The following CPNE4 variants were observed in gnomAD, a reference collection of about 807,000 sequenced individuals.
CPNE4 encodes the protein copine-4.
CPNE4 carries 25 observed loss-of-function variants against 67.9 expected under a neutral mutation model. The observed-to-expected ratio is 0.37, with a 90% CI of 0.27 to 0.51. CPNE4 has a LOEUF of 0.51. Among genes scored for constraint, CPNE4 ranks in the 20% least tolerant of loss-of-function variants. The probability of loss-of-function intolerance (pLI) is 0.93; values close to 1 mark genes in which losing one functional copy is unlikely to be tolerated. For missense variants in CPNE4, 464 were observed against 690.8 expected (o/e 0.67, Z 3.68); for synonymous variants, 242 against 244.9 (o/e 0.99, Z 0.11).
At chr3:131,883,037 G>A (rs567569414) in intron 2 of CPNE4, among the ~76,000 whole-genome samples, 23 of 152,072 alleles carry the variant, frequency 1.5e-4, no homozygotes, top group African/African-American at 5.3e-4. Flanking sequence ...TACTTTCAAT[G>A]GCAAAAACCA....
intron 2 of CPNE4, among the ~76,000 whole-genome samples, chr3:131,730,111 G>C (rs989540106): frequency 1.6e-4 from 25 of 152,086 alleles, no homozygotes; most frequent in East Asian, 1.9e-4. Context: ...ATTTGAAATT[G>C]GAGTGCATGT....
intron 15 of CPNE4, among the ~76,000 whole-genome samples, chr3:131,542,094 C>G (rs760877415): frequency 6.6e-5 from 10 of 152,126 alleles, no homozygotes; most frequent in Non-Finnish European, 1.0e-4. Context: ...TATACTTTGC[C>G]AAGGCAAACA....
intron 1 of CPNE4, among the ~76,000 whole-genome samples, chr3:131,949,165 C>T (rs1388344790): frequency 1.3e-5 from 2 of 152,120 alleles, no homozygotes; most frequent in Non-Finnish European, 2.9e-5. Flanking sequence ...TTTGCTAAGC[C>T]CATCTCTATG....
intron 2 of CPNE4, among the ~76,000 whole-genome samples, chr3:131,740,039 C>T (rs2082322195): frequency 6.6e-6 from 1 of 152,180 alleles, no homozygotes; most frequent in Non-Finnish European, 1.5e-5. Context: ...AACCAATTGG[C>T]TTCTTGAGAC....
intron 1 of CPNE4, among the ~76,000 whole-genome samples, chr3:131,949,178 T>C (rs955193811): frequency 3.9e-5 from 6 of 152,216 alleles, no homozygotes; most frequent in African/African-American, 1.4e-4. Flanking sequence ...TCTCTATGAT[T>C]TGCAGGGCCT....
intron 1 of CPNE4, among the ~76,000 whole-genome samples, chr3:132,025,237 G>C (rs1043820131): frequency 6.6e-6 from 1 of 152,302 alleles, no homozygotes; most frequent in Admixed American, 6.5e-5. Context: ...TTGGGACAAG[G>C]GCAGGGGAAA....
intron 2 of CPNE4, among the ~76,000 whole-genome samples, chr3:131,742,033 C>T (rs1261922177): frequency 6.6e-6 from 1 of 152,282 alleles, no homozygotes; most frequent in East Asian, 1.9e-4. Context: ...ACCCATCTTG[C>T]AACTGTGAGG....
intron 1 of CPNE4, among the ~76,000 whole-genome samples, chr3:131,963,935 A>T (rs149010877): frequency 6.6e-6 from 1 of 152,146 alleles, no homozygotes; most frequent in Non-Finnish European, 1.5e-5. Flanking sequence ...ACTAGGAGAT[A>T]TCTCCTAGCA....
At chr3:131,908,671 A>G (rs1380214796) in intron 1 of CPNE4, among the ~76,000 whole-genome samples, 2 of 152,254 alleles carry the variant, frequency 1.3e-5, no homozygotes, top group East Asian at 1.9e-4. Flanking sequence ...GTATTTTTAC[A>G]TACATATTGT....
chr3:131,707,646 C>G (rs2107715151), intron 3 of CPNE4, among the ~76,000 whole-genome samples: 1 of 152,278 alleles, frequency 6.6e-6, no homozygotes, highest in African/African-American at 2.4e-5. Flanking sequence ...AACTGCTAAA[C>G]TCTCCTGTCT....
At chr3:131,924,614 A>C (rs1032677602) in intron 1 of CPNE4, among the ~76,000 whole-genome samples, 1 of 152,180 alleles carries the variant, frequency 6.6e-6, no homozygotes, top group Non-Finnish European at 1.5e-5. Context: ...TGATATTTTT[A>C]AAAATTCCTT....
At chr3:131,792,608 T>TGTGTGTATATGTATATATATATACACAC (rs1553772125) in intron 2 of CPNE4, among the ~76,000 whole-genome samples, 58 of 91,382 alleles carry the variant, frequency 6.3e-4, no homozygotes, top group East Asian at 3.3e-3. Flanking sequence ...TATATGTGTG[T>TGTGTGTATATGTATATATATATACACAC]GTGTATATAT....
intron 2 of CPNE4, among the ~76,000 whole-genome samples, chr3:131,726,165 T>C (rs368779963): frequency 8.1e-4 from 124 of 152,352 alleles, no homozygotes; most frequent in South Asian, 6.2e-3. Context: ...ATGGAAACTC[T>C]AGTCTTTGTT....
intron 7 of CPNE4, among the ~76,000 whole-genome samples, chr3:131,632,306 C>T (rs906711045): frequency 3.3e-5 from 5 of 151,864 alleles, no homozygotes; most frequent in African/African-American, 9.7e-5. Flanking sequence ...CACTGTGCTC[C>T]GCCTCATTAT....
At chr3:131,850,357 A>C (rs1218462260) in intron 2 of CPNE4, among the ~76,000 whole-genome samples, 1 of 152,114 alleles carries the variant, frequency 6.6e-6, no homozygotes, top group African/African-American at 2.4e-5. Flanking sequence ...ATAAGAAAGC[A>C]GACAACACTG....
intron 2 of CPNE4, among the ~76,000 whole-genome samples, chr3:131,728,698 C>T (rs540505404): frequency 1.3e-5 from 2 of 151,798 alleles, no homozygotes; most frequent in Non-Finnish European, 2.9e-5. Flanking sequence ...ATCACGAGGT[C>T]AGGAGATGGA....
At chr3:131,936,571 T>G (rs2071229402) in intron 1 of CPNE4, among the ~76,000 whole-genome samples, 1 of 152,034 alleles carries the variant, frequency 6.6e-6, no homozygotes, top group East Asian at 1.9e-4. Flanking sequence ...AAATCAAACT[T>G]TTGCTCACTG....
chr3:131,724,401 C>T (rs1583085945), intron 2 of CPNE4, among the ~76,000 whole-genome samples: 1 of 152,220 alleles, frequency 6.6e-6, no homozygotes, highest in Admixed American at 6.5e-5. Context: ...TTTCCTTTGT[C>T]TTCTGTGATA....
At chr3:131,966,628 C>G (rs1274222239) in intron 1 of CPNE4, among the ~76,000 whole-genome samples, 1 of 152,034 alleles carries the variant, frequency 6.6e-6, no homozygotes, top group Non-Finnish European at 1.5e-5. Context: ...CTAGAAGAAA[C>G]AGATAAATTC....
Sources: allele counts gnomAD v4.1 joint callset (sites outside exome capture counted in the v4.1 genomes callset), GRCh38; gene constraint gnomAD v4.1.1; transcripts MANE v1.5; gene names NCBI Gene and HGNC (gene_info 2026-07-23, HGNC 2026-07-21).